Variants in ZNF813 observed in about 807,000 individuals in gnomAD.
The protein encoded by ZNF813 is zinc finger protein 813.
A neutral mutation model predicts 7.2 loss-of-function variants in ZNF813; 3 were observed. That is an observed-to-expected ratio of 0.42 (90% CI 0.19 to 1.08). The LOEUF (loss-of-function observed/expected upper bound fraction) is 1.08. ZNF813 is among the 50% of genes least tolerant of loss of function. The pLI is 0.30. For missense variants in ZNF813, 714 were observed against 753.3 expected (o/e 0.95, Z 0.61); for synonymous variants, 227 against 256.3 (o/e 0.89, Z 1.09).
rs755643517 is a variant in ZNF813, at chr19:53,490,700, C to A, written c.468C>A (p.Thr156=). 5 of 1,614,032 alleles carry A rather than the reference C, an allele frequency of 3.1e-6. No homozygotes were observed. Among genetic ancestry groups the A allele is most frequent in the Non-Finnish European group, 3.4e-6 (4 of 1,179,992 alleles). Residue 156 remains threonine (T), a synonymous_variant, in exon 4 of 4, where the codon ACC becomes ACA. Coordinates refer to ENST00000396403, the MANE Select transcript of ZNF813 (RefSeq NM_001004301.4). ...SHLPELHMFQ[T]QGKIGNQVEK... is the part of the protein sequence containing the mutation. ...TGCCTGAACTCCACATGTTTCAGAC[C>A]CAAGGGAAAATTGGTAATCAAGTGG...
Position 53,491,638 on chromosome 19 carries a change from G to A in ZNF813, c.1406G>A (p.Cys469Tyr), listed in dbSNP as rs1306100503. ...AIHIGEKRYKCNECGKTFSRI... is the reference protein window; with the variant it reads ...AIHIGEKRYKYNECGKTFSRI... The stretch of plus-strand genomic sequence containing the variant: ...CATATTGGAGAGAAACGTTACAAGT[G>A]TAATGAGTGTGGCAAGACGTTCAGT... Residue 469 changes from cysteine (C) to tyrosine (Y), a missense_variant, in exon 4 of 4, where the codon TGT becomes TAT. This residue lies in a region of ZNF813 where 563 missense variants were observed against 554.2 expected (regional missense o/e 1.02). Transcript: ENST00000396403. The A allele has an allele frequency of 1.2e-6, 2 of 1,613,890 alleles. No homozygotes were observed. The highest frequency in any genetic ancestry group is 3.3e-4 in the Middle Eastern group (2 of 6,056).
At chr19:53,481,242 C>G (rs1333950361) in intron 1 of ZNF813, among the ~76,000 whole-genome samples, 3 of 152,036 alleles carry the variant, frequency 2.0e-5, no homozygotes, top group African/African-American at 7.2e-5. Context: ...AGGCCCTGGA[C>G]CCTGGCATGT....
intron 1 of ZNF813, among the ~76,000 whole-genome samples, chr19:53,470,732 T>C (rs572614842): frequency 4.6e-5 from 7 of 151,062 alleles, no homozygotes; most frequent in Non-Finnish European, 8.8e-5. Flanking sequence ...AATTTTTTTA[T>C]TCTTGCAGTT....
chr19:53,472,607 CTTTCTTT>C lies in ZNF813; in HGVS notation c.-74+4822_-74+4828del, dbSNP rs1295440885. Among the ~76,000 whole-genome samples the C allele has an allele frequency of 7.3e-5, 10 of 136,462 alleles. 1 individual carries two copies. The highest frequency in any genetic ancestry group is 2.8e-4 in the African/African-American group (10 of 36,080). The allele number at this position is 136,462 out of a possible 152,430, so 89.5% of individuals were successfully genotyped here. On this transcript the variant is annotated intron_variant, in intron 1 of 3. Transcript: ENST00000396403. The stretch of plus-strand genomic sequence containing the variant: ...AGATGGTCTGATTATAAGTACAAGT[CTTTCTTT>C]TTTTTTTTTTTTTTTGAGATGGAGT...
At position 53,495,938 on chromosome 19, in the gene ZNF813, A is replaced by G; in HGVS notation, c.*3852A>G. ...ATACCTGGCCAAGAAACAAAAGCAA[A>G]ATCATTCCATTCCCCCAGTGGATTC... On this transcript the variant is annotated 3_prime_UTR_variant, in exon 4 of 4. Coordinates refer to ENST00000396403, the MANE Select transcript of ZNF813 (RefSeq NM_001004301.4). 2.9e-6 allele frequency: 1 copy of G among 341,422 alleles called. No individual in the cohort carries two copies. Among genetic ancestry groups the G allele is most frequent in the Non-Finnish European group, 5.7e-6 (1 of 173,922 alleles). The allele number at this position is 341,422 out of a possible 1,614,324, so 21.1% of individuals were successfully genotyped here. A position where few individuals can be genotyped will look rare whatever the true frequency, so the allele number is the denominator to read the frequency against.
rs2086467422 is a variant in ZNF813 at position 53,492,238 on chromosome 19, A to G, written c.*152A>G. The G allele has an allele frequency of 1.2e-5, 14 of 1,121,838 alleles. No homozygotes were observed. The highest frequency in any genetic ancestry group is 4.6e-5 in the South Asian group (3 of 64,550). The allele number at this position is 1,121,838 out of a possible 1,614,324, so 69.5% of individuals were successfully genotyped here. A position where few individuals can be genotyped will look rare whatever the true frequency, so the allele number is the denominator to read the frequency against. On this transcript the variant is annotated 3_prime_UTR_variant, in exon 4 of 4. Transcript: ENST00000396403. The stretch of plus-strand genomic sequence containing the variant: ...TGTAATGAACGTTGCAAAATTTTTA[A>G]TCAACAAGCACACCTTCCACGTCAT...
chr19:53,486,390 T>C (rs1600113398), intron 2 of ZNF813, among the ~76,000 whole-genome samples: 1 of 149,930 alleles, frequency 6.7e-6, no homozygotes, highest in Non-Finnish European at 1.5e-5. Context: ...GAGGTTGCAG[T>C]GAGTGGAGAC....
chr19:53,482,661 C>T (rs866532929), intron 1 of ZNF813, among the ~76,000 whole-genome samples: 1 of 149,492 alleles, frequency 6.7e-6, no homozygotes, highest in Non-Finnish European at 1.5e-5. Context: ...GTCTCTATCA[C>T]GTTACTCAGG....
At chr19:53,480,589 A>G (rs1453189567) in intron 1 of ZNF813, among the ~76,000 whole-genome samples, 1 of 152,088 alleles carries the variant, frequency 6.6e-6, no homozygotes, top group Non-Finnish European at 1.5e-5. Context: ...TTTATTGAAA[A>G]CCTTTAGTAC....
intron 1 of ZNF813, among the ~76,000 whole-genome samples, chr19:53,483,458 G>A (rs1320520221): frequency 6.6e-6 from 1 of 152,186 alleles, no homozygotes; most frequent in Admixed American, 6.5e-5. Flanking sequence ...AGAGTGCTGG[G>A]ATGACAGGCA....
intron 1 of ZNF813, among the ~76,000 whole-genome samples, chr19:53,480,540 G>A (rs1201423854): frequency 6.6e-5 from 10 of 152,090 alleles, no homozygotes; most frequent in Non-Finnish European, 1.2e-4. Flanking sequence ...AGTTGCATCT[G>A]GTTCAGATCA....
At chr19:53,486,986 T>TATTTA (rs756580019) in intron 3 of ZNF813, among the ~76,000 whole-genome samples, 6 of 43,908 alleles carry the variant, frequency 1.4e-4, no homozygotes, top group Non-Finnish European at 2.9e-4. Flanking sequence ...TTTTAGTTTT[T>TATTTA]TTTTTTTTTT....
intron 1 of ZNF813, among the ~76,000 whole-genome samples, chr19:53,482,076 T>C (rs1344157923): frequency 3.3e-5 from 5 of 152,164 alleles, no homozygotes; most frequent in Non-Finnish European, 7.4e-5. Flanking sequence ...TGAATGACCC[T>C]GGTCCCTGAA....
chr19:53,479,429 C>G (rs2086397018), intron 1 of ZNF813: 4 of 1,556,854 alleles, frequency 2.6e-6, no homozygotes, highest in Non-Finnish European at 1.7e-6. Context: ...GAGGAGTGAG[C>G]TGAGCACCTC....
At position 53,491,427 on chromosome 19, in the gene ZNF813, A is replaced by G; in HGVS notation, c.1195A>G (p.Lys399Glu). 1 of 1,613,984 alleles carries G rather than the reference A, an allele frequency of 6.2e-7. No homozygotes were observed. The highest frequency in any genetic ancestry group is 8.5e-7 in the Non-Finnish European group (1 of 1,179,978). The change falls in exon 4 of 4, where the codon AAA (lysine) becomes GAA (glutamate). Residue 399 changes from lysine to glutamate, a missense_variant. Transcript: ENST00000396403. Reference sequence around the variant, plus strand: ...GACCTTCAGTCAGGAGTTAACCCTTAAATGCCATCGTAGACTTCATACCGG... The same window carrying G: ...GACCTTCAGTCAGGAGTTAACCCTTGAATGCCATCGTAGACTTCATACCGG... ...GKTFSQELTL[K>E]CHRRLHTGEK...
chr19:53,479,855 C>G, intron 1 of ZNF813: 1 of 1,054,054 alleles, frequency 9.5e-7, no homozygotes, highest in Admixed American at 1.7e-5. Context: ...CCTGAAGTGT[C>G]TGAGTGCAGC....
chr19:53,469,652 G>A (rs61386972), intron 1 of ZNF813, among the ~76,000 whole-genome samples: 24,121 of 150,636 alleles, frequency 0.16, 1,872 homozygotes, highest in East Asian at 0.23. Context: ...AGGGAGAGGG[G>A]CAGCAAAGAG....
chr19:53,471,933 A>G (rs1204328788), intron 1 of ZNF813, among the ~76,000 whole-genome samples: 1 of 152,122 alleles, frequency 6.6e-6, no homozygotes, highest in Non-Finnish European at 1.5e-5. Context: ...TAGTCCTTCT[A>G]CAAACATAAC....
At chr19:53,487,956 TTGAATTA>T (rs2086441932) in intron 3 of ZNF813, among the ~76,000 whole-genome samples, 1 of 152,208 alleles carries the variant, frequency 6.6e-6, no homozygotes, top group African/African-American at 2.4e-5. Context: ...AGAAAAAAAG[TTGAATTA>T]TGAAGAAAAG....
Sources: gnomAD v4.1 joint callset for allele counts (sites outside exome capture counted in the v4.1 genomes callset) on GRCh38, gnomAD v4.1.1 for gene constraint, gnomAD v4.1.1 regional missense constraint, MANE v1.5 for transcripts, NCBI Gene and HGNC (gene_info 2026-07-23, HGNC 2026-07-21) for gene names.